Variants in RPS6KC1 observed in about 807,000 individuals in gnomAD.
RPS6KC1 encodes the protein inactive ribosomal protein S6 kinase delta-1.
In RPS6KC1, 54 loss-of-function variants were observed where a neutral mutation model predicts 103.8. The observed-to-expected ratio is 0.52, with a 90% CI of 0.42 to 0.65. The LOEUF (loss-of-function observed/expected upper bound fraction) is 0.65. Among genes scored for constraint, RPS6KC1 ranks in the 30% least tolerant of loss-of-function variants. RPS6KC1 has a pLI of 0.00. For synonymous variants in RPS6KC1, 439 were observed against 438.7 expected, an observed-to-expected ratio of 1.00 and a Z score of -0.01; for missense variants, 1,151 against 1,253.8, an observed-to-expected ratio of 0.92 and a Z score of 1.24.
the RPS6KC1 span, among the ~76,000 whole-genome samples, chr1:213,548,994 C>T: frequency 1.3e-5 from 2 of 152,106 alleles, no homozygotes; most frequent in Non-Finnish European, 2.9e-5. Context: ...ACTGTGAGAT[C>T]CCCTTAGCCT....
the RPS6KC1 span, among the ~76,000 whole-genome samples, chr1:213,734,962 A>C: frequency 6.6e-6 from 1 of 151,670 alleles, no homozygotes; most frequent in Non-Finnish European, 1.5e-5. Context: ...GCCGCTCTGT[A>C]GCCCAGGCTG....
the RPS6KC1 span, among the ~76,000 whole-genome samples, chr1:213,592,727 A>G: frequency 3.9e-5 from 6 of 152,176 alleles, no homozygotes; most frequent in Non-Finnish European, 5.9e-5. Context: ...ATGGATTTTA[A>G]ATATTAATTA....
the RPS6KC1 span, among the ~76,000 whole-genome samples, chr1:213,409,168 C>T: frequency 7.4e-3 from 1,126 of 152,200 alleles, 15 homozygotes; most frequent in African/African-American, 0.026. Context: ...GCAGGTCCCA[C>T]GCTTGTCCTC....
the RPS6KC1 span, among the ~76,000 whole-genome samples, chr1:213,730,266 A>G: frequency 6.6e-6 from 1 of 152,128 alleles, no homozygotes; most frequent in Non-Finnish European, 1.5e-5. Context: ...GTTATGATTT[A>G]TATTCCTTTG....
the RPS6KC1 span, among the ~76,000 whole-genome samples, chr1:213,591,734 A>T: frequency 6.6e-6 from 1 of 152,218 alleles, no homozygotes. Context: ...AGCAATACCC[A>T]GTAAGGGAGG....
In RPS6KC1 at chr1:213,104,566, C is replaced by T; in HGVS notation, c.375C>T (p.Phe125=). The change falls in exon 4 of 15, where the codon TTC becomes TTT. Residue 125 remains phenylalanine, a synonymous_variant. Coordinates refer to ENST00000366960, the MANE Select transcript of RPS6KC1 (RefSeq NM_012424.6). ...ATAGTAAACAGCTTGAAGACTTTTT[C>T]AAGGTTTGGTAGTCTTTCTGGAATA... The part of the protein sequence containing the change: ...LYNSKQLEDF[F]KGGIINDSSE... 6.5e-7 allele frequency: 1 copy of T among 1,543,934 alleles called. No homozygotes were observed. The highest frequency in any genetic ancestry group is 8.9e-7 in the Non-Finnish European group (1 of 1,122,564).
intron 8 of RPS6KC1, among the ~76,000 whole-genome samples, chr1:213,218,126 C>G (rs1373414744): frequency 6.6e-6 from 1 of 152,162 alleles, no homozygotes; most frequent in African/African-American, 2.4e-5. Context: ...TAGAAAACCC[C>G]ATTGTCTCAG....
chr1:213,451,097 C>G, the RPS6KC1 span, among the ~76,000 whole-genome samples: 4 of 152,164 alleles, frequency 2.6e-5, no homozygotes, highest in Non-Finnish European at 5.9e-5. Context: ...ACCCGTGGGT[C>G]AAATCTAACC....
chr1:213,791,169 G>GA, the RPS6KC1 span, among the ~76,000 whole-genome samples: 26 of 144,112 alleles, frequency 1.8e-4, no homozygotes, highest in South Asian at 1.5e-3. Context: ...CAGGACAAAA[G>GA]AAAAAAAAAA....
chr1:213,136,170 A>G (rs766794141), intron 6 of RPS6KC1, among the ~76,000 whole-genome samples: 4 of 152,078 alleles, frequency 2.6e-5, no homozygotes, highest in East Asian at 1.9e-4. Context: ...TTTTATCTTC[A>G]TGGCATGAAA....
the RPS6KC1 span, among the ~76,000 whole-genome samples, chr1:213,459,258 C>G: frequency 6.6e-6 from 1 of 152,048 alleles, no homozygotes; most frequent in Non-Finnish European, 1.5e-5. Context: ...GGTTTGTAGG[C>G]TATTAATTAC....
the RPS6KC1 span, among the ~76,000 whole-genome samples, chr1:213,683,219 C>T: frequency 1.4e-3 from 211 of 152,228 alleles, 1 homozygote; most frequent in Middle Eastern, 3.4e-3. Context: ...TGGGGACTGT[C>T]GGGGTCAGGA....
the RPS6KC1 span, among the ~76,000 whole-genome samples, chr1:213,847,455 A>T: frequency 1.3e-5 from 2 of 152,324 alleles, no homozygotes; most frequent in South Asian, 4.1e-4. Context: ...CCTATCCATG[A>T]TCAGGGCATA....
chr1:213,122,451 T>C (rs1042988702), intron 5 of RPS6KC1, among the ~76,000 whole-genome samples: 3 of 152,178 alleles, frequency 2.0e-5, no homozygotes, highest in Admixed American at 1.3e-4. Flanking sequence ...CTTGACACTT[T>C]GAGGCAAGAT....
At chr1:213,232,024 G>C in intron 9 of RPS6KC1, 99 bp from the exon 10 acceptor site, 1 of 1,453,526 alleles carries the variant, frequency 6.9e-7, no homozygotes, top group South Asian at 1.2e-5. Flanking sequence ...AGAGTAACTC[G>C]GATAGATTAG....
the RPS6KC1 span, among the ~76,000 whole-genome samples, chr1:213,311,465 A>G: frequency 2.6e-5 from 4 of 152,212 alleles, no homozygotes; most frequent in East Asian, 7.7e-4. Context: ...CAGGGTTTAC[A>G]TATACAATTT....
the RPS6KC1 span, among the ~76,000 whole-genome samples, chr1:213,343,440 T>TATATATATATAC: frequency 4.2e-4 from 34 of 80,410 alleles, 5 homozygotes; most frequent in African/African-American, 1.3e-3. Context: ...TATATATATA[T>TATATATATATAC]ACATACCATG....
At chr1:213,107,115 TATTTTTAG>T (rs2082579895) in intron 4 of RPS6KC1, among the ~76,000 whole-genome samples, 1 of 152,116 alleles carries the variant, frequency 6.6e-6, no homozygotes, top group South Asian at 2.1e-4. Context: ...CAAATTTTTG[TATTTTTAG>T]TAGAGACAGG....
At chr1:213,676,303 G>A in the RPS6KC1 span, among the ~76,000 whole-genome samples, 2 of 152,172 alleles carry the variant, frequency 1.3e-5, no homozygotes, top group African/African-American at 4.8e-5. Flanking sequence ...CTCCCAGCTA[G>A]TAGAGCCCTT....
Sources: gnomAD v4.1 joint callset for allele counts (sites outside exome capture counted in the v4.1 genomes callset) on GRCh38, gnomAD v4.1.1 for gene constraint, MANE v1.5 for transcripts, NCBI Gene and HGNC (gene_info 2026-07-23, HGNC 2026-07-21) for gene names.